RAPH1: variants seen among roughly 807,000 people sequenced by gnomAD.
RAPH1 encodes the protein Ras association (RalGDS/AF-6) and pleckstrin homology domains 1.
A neutral mutation model predicts 88.1 loss-of-function variants in RAPH1; 18 were observed. That is an observed-to-expected ratio of 0.20 (90% confidence interval 0.14 to 0.30). The LOEUF is 0.30. Ranked by LOEUF, RAPH1 falls within the 10% of genes least tolerant of loss-of-function variation. The probability of loss-of-function intolerance (pLI) is 1.00; values close to 1 mark genes in which losing one functional copy is unlikely to be tolerated. For synonymous variants in RAPH1, 587 were observed against 559.0 expected, an observed-to-expected ratio of 1.05 and a Z score of -0.71; for missense variants, 1,448 against 1,543.2, an observed-to-expected ratio of 0.94 and a Z score of 1.03.
chr2:203,531,107 AG>A (rs1690370809), intron 1 of RAPH1, among the ~76,000 whole-genome samples: 1 of 152,192 alleles, frequency 6.6e-6, no homozygotes, highest in Non-Finnish European at 1.5e-5. Flanking sequence ...CCTAAACATA[AG>A]AGTTGAAACT....
chr2:203,484,217 T>A (rs1024378418), intron 4 of RAPH1, among the ~76,000 whole-genome samples: 1 of 152,184 alleles, frequency 6.6e-6, no homozygotes. Context: ...CTAAGAAGAT[T>A]TGATGCTGGT....
At chr2:203,465,144 G>T (rs2098527489) in intron 4 of RAPH1, among the ~76,000 whole-genome samples, 1 of 152,166 alleles carries the variant, frequency 6.6e-6, no homozygotes, top group African/African-American at 2.4e-5. Flanking sequence ...GTGCTCCTTG[G>T]TATTTACCCA....
At chr2:203,473,635 T>A (rs1243216765) in intron 4 of RAPH1, among the ~76,000 whole-genome samples, 58 of 152,074 alleles carry the variant, frequency 3.8e-4, no homozygotes, top group Admixed American at 3.7e-3. Flanking sequence ...TGTAACTGAG[T>A]AAGGCCATTC....
intron 1 of RAPH1, among the ~76,000 whole-genome samples, chr2:203,529,366 T>C (rs199848194): frequency 1.3e-5 from 2 of 152,122 alleles, no homozygotes; most frequent in East Asian, 1.9e-4. Flanking sequence ...AAGTTTTTTA[T>C]TGGTTTTGTT....
chr2:203,525,884 G>A (rs1489364975), intron 1 of RAPH1, among the ~76,000 whole-genome samples: 1 of 152,166 alleles, frequency 6.6e-6, no homozygotes, highest in Non-Finnish European at 1.5e-5. Flanking sequence ...ACTTACCTGT[G>A]CTGAAGCAAC....
In RAPH1 at chr2:203,439,336, ACAT is replaced by A. The variant is rs974108559; in HGVS notation, c.*98_*100del. 6.4e-5 allele frequency: 69 copies of A among 1,082,162 alleles called. No individual in the cohort carries two copies. The African/African-American group carries it at 8.4e-4, about 13-fold the overall frequency. The allele number at this position is 1,082,162 out of a possible 1,614,324, so 67.0% of individuals were successfully genotyped here. On this transcript the variant is annotated 3_prime_UTR_variant, in exon 14 of 14. Transcript: ENST00000319170. ...CATATAGCTGGACACTACCTGAATA[ACAT>A]CATACCAGGAGGCTCTGAACACCTG... is the stretch of plus-strand genomic sequence containing the variant.
chr2:203,492,008 C>A (rs1304695971), intron 2 of RAPH1, among the ~76,000 whole-genome samples: 1 of 151,860 alleles, frequency 6.6e-6, no homozygotes, highest in Non-Finnish European at 1.5e-5. Context: ...CAGAGGCAGG[C>A]GGATCAACTG....
In RAPH1 at chr2:203,516,958, C is replaced by T. The variant is rs564684245; in HGVS notation, c.-1+18153G>A. On this transcript the variant is annotated intron_variant, in intron 1 of 13. Transcript: ENST00000319170. Reference sequence around the variant, plus strand: ...CTGAGGCAGGAGAATGGTGTGAACCCGGGAGGCAGAGCTTGCAGTGAGCCG... The same window carrying T: ...CTGAGGCAGGAGAATGGTGTGAACCTGGGAGGCAGAGCTTGCAGTGAGCCG... Among the ~76,000 whole-genome samples the T allele has an allele frequency of 1.7e-4, 26 of 151,032 alleles. No individual in the cohort carries two copies. The East Asian group carries it at 2.2e-3, about 12-fold the overall frequency.
At chr2:203,464,273 ACTTTTTT>A (rs2098526663) in intron 4 of RAPH1, among the ~76,000 whole-genome samples, 1 of 152,172 alleles carries the variant, frequency 6.6e-6, no homozygotes. Flanking sequence ...ATAAACATGA[ACTTTTTT>A]CTTTTTGAGA....
chr2:203,485,998 A>AGCATAGTAGCCC (rs2105807571), intron 4 of RAPH1, among the ~76,000 whole-genome samples: 1 of 152,160 alleles, frequency 6.6e-6, no homozygotes, highest in South Asian at 2.1e-4. Context: ...ATGGGCTACT[A>AGCATAGTAGCCC]AAACACTGGC....
At position 203,498,946 on chromosome 2, in the gene RAPH1, T is replaced by C. The variant is rs189756191; in HGVS notation, c.1-3593A>G. Among the ~76,000 whole-genome samples, 6 of 150,302 alleles carry C rather than the reference T, an allele frequency of 4.0e-5. No homozygotes were observed. In the East Asian group the frequency reaches 1.2e-3, roughly 29 times the overall value. On this transcript the variant is annotated intron_variant, in intron 1 of 13. Coordinates refer to ENST00000319170, the MANE Select transcript of RAPH1 (RefSeq NM_213589.3). ...GATACCATTGTATTACAATTGTCTATAGTGTTCAGTACAGTAACATGCTGT... is the reference window on the plus strand; with the variant it reads ...GATACCATTGTATTACAATTGTCTACAGTGTTCAGTACAGTAACATGCTGT...
intron 1 of RAPH1, among the ~76,000 whole-genome samples, chr2:203,526,990 G>A (rs1690151907): frequency 6.6e-6 from 1 of 151,904 alleles, no homozygotes; most frequent in Non-Finnish European, 1.5e-5. Flanking sequence ...TGCCACATTG[G>A]CCAGGCTGGT....
intron 1 of RAPH1, among the ~76,000 whole-genome samples, chr2:203,512,621 C>CTTTTT (rs1201403582): frequency 1.6e-5 from 2 of 125,872 alleles, no homozygotes; most frequent in Non-Finnish European, 3.3e-5. Context: ...CATCCCTTAC[C>CTTTTT]TTTTTTTTTT....
rs557336149 is a variant in RAPH1, at chr2:203,449,068, T to C, written c.1414-232A>G. On this transcript the variant is annotated intron_variant, in intron 10 of 13. Coordinates refer to ENST00000319170, the MANE Select transcript of RAPH1 (RefSeq NM_213589.3). ...TTAGATCAAGATATCCAAGTTAAAA[T>C]AGATCTTCACATCTTGAGAAATTCC... is the stretch of plus-strand genomic sequence containing the variant. 8.5e-5 allele frequency among the ~76,000 whole-genome samples: 13 copies of C among 152,326 alleles called. No individual in the cohort carries two copies. The South Asian group carries it at 1.4e-3, about 17-fold the overall frequency.
At chr2:203,506,021 G>C (rs1210878985) in intron 1 of RAPH1, among the ~76,000 whole-genome samples, 1 of 152,158 alleles carries the variant, frequency 6.6e-6, no homozygotes, top group Non-Finnish European at 1.5e-5. Context: ...TGAAACTATG[G>C]AAAGCCTCAC....
At chr2:203,479,989 G>GA (rs10716526) in intron 4 of RAPH1, among the ~76,000 whole-genome samples, 21 of 151,810 alleles carry the variant, frequency 1.4e-4, no homozygotes, top group Admixed American at 8.5e-4. Flanking sequence ...CTCCCATGGG[G>GA]AAAAAAAATG....
chr2:203,494,754 A>G (rs1317612922), intron 2 of RAPH1, among the ~76,000 whole-genome samples: 2 of 150,906 alleles, frequency 1.3e-5, no homozygotes, highest in Non-Finnish European at 2.9e-5. Context: ...GCTTGCGGTG[A>G]GCCAAGATTG....
Position 203,438,627 on chromosome 2 carries a change from A to C in RAPH1, c.*810T>G, listed in dbSNP as rs997782481. ...ACAGTACTAAAAAGGAACTATCCAG[A>C]ATTATAGCACTAATTATCCATGTAT... On this transcript the variant is annotated 3_prime_UTR_variant, in exon 14 of 14. Transcript: ENST00000319170. 2 of 168,244 alleles carry C rather than the reference A, an allele frequency of 1.2e-5. No individual in the cohort carries two copies. Among genetic ancestry groups the C allele is most frequent in the African/African-American group, 4.8e-5 (2 of 41,630 alleles). The allele number at this position is 168,244 out of a possible 1,614,324, so 10.4% of individuals were successfully genotyped here. A position where few individuals can be genotyped will look rare whatever the true frequency, so the allele number is the denominator to read the frequency against.
chr2:203,497,229 C>T (rs370809973), intron 1 of RAPH1, among the ~76,000 whole-genome samples: 5 of 152,214 alleles, frequency 3.3e-5, no homozygotes, highest in African/African-American at 1.2e-4. Context: ...CAAGCCCTCA[C>T]CAGACACCAA....
Sources: gnomAD v4.1 joint callset for allele counts (sites outside exome capture counted in the v4.1 genomes callset) on GRCh38, gnomAD v4.1.1 for gene constraint, MANE v1.5 for transcripts, NCBI Gene and HGNC (gene_info 2026-07-23, HGNC 2026-07-21) for gene names.